PTPRG: variants seen among roughly 807,000 people sequenced by gnomAD.
PTPRG encodes protein tyrosine phosphatase receptor type G, also known as receptor-type tyrosine-protein phosphatase gamma.
PTPRG carries 102 observed loss-of-function variants against 165.3 expected under a neutral mutation model. The observed-to-expected ratio is 0.62, with a 90% CI of 0.53 to 0.73. The LOEUF is 0.73. Among genes scored for constraint, PTPRG ranks in the 30% least tolerant of loss-of-function variants. PTPRG has a pLI of 0.00. For synonymous variants in PTPRG, 675 were observed against 669.5 expected, an observed-to-expected ratio of 1.01 and a Z score of -0.13; for missense variants, 1,866 against 1,861.4, an observed-to-expected ratio of 1.00 and a Z score of -0.05.
At chr3:61,645,742 C>T (rs540224688) in intron 1 of PTPRG, among the ~76,000 whole-genome samples, 1 of 152,174 alleles carries the variant, frequency 6.6e-6, no homozygotes, top group African/African-American at 2.4e-5. Context: ...GTGAAAGCAG[C>T]CATAGACAAT....
At chr3:62,127,310 A>G (rs1218174783) in intron 5 of PTPRG, among the ~76,000 whole-genome samples, 1 of 152,214 alleles carries the variant, frequency 6.6e-6, no homozygotes, top group Non-Finnish European at 1.5e-5. Context: ...GAAAGAAGCT[A>G]CAGCATCCTT....
chr3:62,197,410 TG>T (rs1699991838), intron 10 of PTPRG, among the ~76,000 whole-genome samples: 1 of 152,248 alleles, frequency 6.6e-6, no homozygotes, highest in Admixed American at 6.5e-5. Context: ...AAATATTCTT[TG>T]CTAATGTTCA....
intron 1 of PTPRG, among the ~76,000 whole-genome samples, chr3:61,580,469 C>G (rs1179188454): frequency 1.3e-5 from 2 of 150,872 alleles, no homozygotes; most frequent in Admixed American, 1.3e-4. Flanking sequence ...CAACCTCTGC[C>G]TCCCAGGTTC....
intron 1 of PTPRG, among the ~76,000 whole-genome samples, chr3:61,672,880 C>T (rs1006444979): frequency 3.3e-5 from 5 of 151,446 alleles, no homozygotes; most frequent in Admixed American, 3.3e-4. Flanking sequence ...AAGTTGGGAC[C>T]CGGTGTGGGG....
intron 1 of PTPRG, among the ~76,000 whole-genome samples, chr3:61,583,951 G>T (rs1381735639): frequency 6.6e-6 from 1 of 152,164 alleles, no homozygotes; most frequent in East Asian, 1.9e-4. Context: ...GTACACAGAA[G>T]GATAGATAAC....
At chr3:61,807,201 G>T (rs902735741) in intron 2 of PTPRG, among the ~76,000 whole-genome samples, 1 of 151,310 alleles carries the variant, frequency 6.6e-6, no homozygotes, top group Non-Finnish European at 1.5e-5. Context: ...TTCTACCATT[G>T]GTCAGGGGAA....
chr3:62,270,489 A>G (rs1286599717), intron 20 of PTPRG, among the ~76,000 whole-genome samples: 1 of 152,202 alleles, frequency 6.6e-6, no homozygotes, highest in Admixed American at 6.5e-5. Context: ...ACTGATGAGA[A>G]TATTTCAGGT....
chr3:61,852,167 T>A (rs1428014075), intron 2 of PTPRG, among the ~76,000 whole-genome samples: 1 of 152,220 alleles, frequency 6.6e-6, no homozygotes, highest in African/African-American at 2.4e-5. Flanking sequence ...GATACAGTAT[T>A]AGCTGATACT....
chr3:62,060,244 G>A (rs1224146161), intron 4 of PTPRG, among the ~76,000 whole-genome samples: 1 of 149,566 alleles, frequency 6.7e-6, no homozygotes, highest in African/African-American at 2.5e-5. Flanking sequence ...CCTTCCTGCT[G>A]ATTTCCTGTA....
intron 4 of PTPRG, among the ~76,000 whole-genome samples, 193 bp from the exon 5 acceptor site, chr3:62,077,970 C>T (rs879287942): frequency 3.6e-4 from 50 of 139,654 alleles, no homozygotes; most frequent in Admixed American, 5.5e-4. Flanking sequence ...TGCAGTCCAG[C>T]GTGGGCAACA....
intron 13 of PTPRG, among the ~76,000 whole-genome samples, chr3:62,220,185 G>A (rs1700618655): frequency 6.6e-6 from 1 of 152,216 alleles, no homozygotes; most frequent in Non-Finnish European, 1.5e-5. Context: ...GGCAGAAAAG[G>A]GTATCAGAAA....
chr3:62,292,986 G>A (rs1327045918), intron 29 of PTPRG, among the ~76,000 whole-genome samples, 175 bp from the exon 30 acceptor site: 2 of 152,008 alleles, frequency 1.3e-5, no homozygotes, highest in East Asian at 3.8e-4. Context: ...AGAAGGTATA[G>A]GTCTTGACTA....
intron 4 of PTPRG, among the ~76,000 whole-genome samples, chr3:62,017,268 G>T (rs980525612): frequency 1.3e-5 from 2 of 152,136 alleles, no homozygotes; most frequent in Non-Finnish European, 2.9e-5. Context: ...TTCATAAAAA[G>T]AACGTTTAAG....
intron 2 of PTPRG, among the ~76,000 whole-genome samples, chr3:61,849,104 G>C (rs2036887660): frequency 6.6e-6 from 1 of 152,142 alleles, no homozygotes; most frequent in South Asian, 2.1e-4. Context: ...TCTCTCAGTG[G>C]GAAACACTCC....
At chr3:61,725,710 C>CA (rs1346205364) in intron 1 of PTPRG, among the ~76,000 whole-genome samples, 2 of 137,284 alleles carry the variant, frequency 1.5e-5, no homozygotes, top group Non-Finnish European at 3.1e-5. Context: ...CTACCCCCAC[C>CA]TTTTTTTTTT....
intron 2 of PTPRG, among the ~76,000 whole-genome samples, chr3:61,801,671 C>A (rs532188128): frequency 1.4e-4 from 22 of 152,118 alleles, no homozygotes; most frequent in Non-Finnish European, 2.8e-4. Flanking sequence ...GGGACTGTTT[C>A]TCTCTGTTTC....
intron 14 of PTPRG, among the ~76,000 whole-genome samples, chr3:62,236,371 G>T (rs982176603): frequency 1.3e-5 from 2 of 152,168 alleles, no homozygotes; most frequent in Non-Finnish European, 2.9e-5. Context: ...TTCCTTGAAA[G>T]CATGTGAACG....
chr3:62,239,620 A>G (rs960328088), intron 14 of PTPRG, among the ~76,000 whole-genome samples: 7 of 151,950 alleles, frequency 4.6e-5, no homozygotes, highest in Admixed American at 3.9e-4. Context: ...TCGGCCTCCC[A>G]AAGTGCTGGG....
intron 2 of PTPRG, among the ~76,000 whole-genome samples, chr3:61,927,841 A>G (rs1302999525): frequency 6.6e-6 from 1 of 152,172 alleles, no homozygotes; most frequent in East Asian, 1.9e-4. Context: ...GAAGCTGAAG[A>G]TACAGTTCCT....
Sources: gnomAD v4.1 joint callset for allele counts (sites outside exome capture counted in the v4.1 genomes callset) on GRCh38, gnomAD v4.1.1 for gene constraint, MANE v1.5 for transcripts, NCBI Gene and HGNC (gene_info 2026-07-23, HGNC 2026-07-21) for gene names.